The following MYO10 variants were observed in gnomAD, a reference collection of about 807,000 sequenced individuals.
MYO10 encodes the protein unconventional myosin-X.
Under a neutral mutation model 257.3 loss-of-function variants are expected in MYO10, and 133 were observed. The observed-to-expected ratio is 0.52, with a 90% CI of 0.45 to 0.60. MYO10 has a LOEUF of 0.60. Among genes scored for constraint, MYO10 ranks in the 20% least tolerant of loss-of-function variants. MYO10 has a pLI of 0.00. For missense variants in MYO10, 2,399 were observed against 2,635.7 expected, an observed-to-expected ratio of 0.91 and a Z score of 1.97; for synonymous variants, 1,104 against 1,028.6, an observed-to-expected ratio of 1.07 and a Z score of -1.40.
At chr5:16,775,060 T>A (rs563724324) in intron 9 of MYO10, among the ~76,000 whole-genome samples, 2 of 152,288 alleles carry the variant, frequency 1.3e-5, no homozygotes, top group South Asian at 4.1e-4. Context: ...CAGCAAAGAC[T>A]CCTGTTACTT....
At chr5:16,802,756 G>A (rs1434090901) in intron 3 of MYO10, among the ~76,000 whole-genome samples, 1 of 151,778 alleles carries the variant, frequency 6.6e-6, no homozygotes, top group Non-Finnish European at 1.5e-5. Flanking sequence ...AGTATAAAGA[G>A]AGATTAAAAA....
chr5:16,761,915 A>G, intron 16 of MYO10, 130 bp downstream of exon 16: 4 of 950,974 alleles, frequency 4.2e-6, no homozygotes, highest in Non-Finnish European at 6.0e-6. Flanking sequence ...AGCCTCCCAA[A>G]GTACTGGGAC....
intron 35 of MYO10, 33 bp downstream of exon 35, chr5:16,674,820 G>C (rs1172990224): frequency 6.2e-7 from 1 of 1,611,108 alleles, no homozygotes; most frequent in Admixed American, 1.7e-5. Flanking sequence ...AAGCAGCTCT[G>C]CCCAGCTCAT....
chr5:16,857,100 C>T (rs1743981275), intron 2 of MYO10, among the ~76,000 whole-genome samples: 4 of 152,172 alleles, frequency 2.6e-5, no homozygotes, highest in South Asian at 2.1e-4. Context: ...TGAAATACTT[C>T]GAGGAGGAGA....
chr5:16,681,992 G>A lies in MYO10; in HGVS notation c.4068C>T (p.Ile1356=), dbSNP rs1737027737. 2 of 1,613,682 alleles carry A rather than the reference G, an allele frequency of 1.2e-6. No homozygotes were observed. The highest frequency in any genetic ancestry group is 1.7e-6 in the Non-Finnish European group (2 of 1,179,884). ...TGCAGTGCAGCACCCGGTTGGCCGT[G>A]ATGATCACAAACGAGTTGGGTCTGA... ...SPDRPNSFVI[I]TANRVLHCNA... Residue 1356 remains isoleucine, a synonymous_variant, in exon 31 of 41, where the codon ATC becomes ATT. Transcript: ENST00000513610.
intron 2 of MYO10, among the ~76,000 whole-genome samples, chr5:16,847,754 T>C (rs548399425): frequency 6.6e-6 from 1 of 152,120 alleles, no homozygotes; most frequent in East Asian, 1.9e-4. Flanking sequence ...GGCACTGTGG[T>C]GCACAACTGA....
intron 10 of MYO10, among the ~76,000 whole-genome samples, chr5:16,768,721 C>A (rs1202524905): frequency 8.3e-6 from 1 of 120,374 alleles, no homozygotes; most frequent in Admixed American, 1.1e-4. Context: ...GTTGCCCAGA[C>A]TGGAGTGCAG....
chr5:16,829,345 T>A (rs906069550), intron 2 of MYO10, among the ~76,000 whole-genome samples: 1 of 151,908 alleles, frequency 6.6e-6, no homozygotes, highest in Non-Finnish European at 1.5e-5. Context: ...AACACTAACA[T>A]CAAACACAGC....
intron 34 of MYO10, 41 bp from the exon 35 acceptor site, chr5:16,675,191 T>C (rs1411816253): frequency 1.4e-5 from 22 of 1,602,128 alleles, no homozygotes; most frequent in Non-Finnish European, 1.9e-5. Context: ...TCTGAGGGGT[T>C]CAGAATAGGG....
rs1284978927 is a variant in MYO10 at position 16,762,119 on chromosome 5, A to G, written c.1588-6T>C. ...TTCACATAAAAGTGGTTATTCTAAA[A>G]AAAAAAAAAAAAAAAAAAAAAAAAA... On this transcript the variant is annotated splice_region_variant and splice_polypyrimidine_tract_variant and intron_variant, in intron 15 of 40. Transcript: ENST00000513610. 1 of 1,273,652 alleles carries G rather than the reference A, an allele frequency of 7.9e-7. No homozygotes were observed. The highest frequency in any genetic ancestry group is 1.0e-6 in the Non-Finnish European group (1 of 980,132). 78.9% of individuals were successfully genotyped at this position (1,273,652 alleles called of 1,614,324 possible).
chr5:16,906,168 G>C (rs1235196578), intron 1 of MYO10, among the ~76,000 whole-genome samples: 1 of 152,202 alleles, frequency 6.6e-6, no homozygotes, highest in African/African-American at 2.4e-5. Context: ...GCCACTGGCA[G>C]ACTTTAGGGT....
chr5:16,815,261 G>A (rs1742569654), intron 3 of MYO10: 2 of 524,560 alleles, frequency 3.8e-6, no homozygotes, highest in East Asian at 3.1e-5. Flanking sequence ...GGGACACAAA[G>A]TGTTGTGGAT....
At chr5:16,791,197 A>G (rs1049477251) in intron 4 of MYO10, among the ~76,000 whole-genome samples, 30 of 152,282 alleles carry the variant, frequency 2.0e-4, no homozygotes, top group African/African-American at 7.2e-4. Flanking sequence ...ATGTTTTTAA[A>G]GTAGTAAAAC....
At chr5:16,929,888 ATATT>A (rs1386265675) in intron 1 of MYO10, among the ~76,000 whole-genome samples, 1 of 152,196 alleles carries the variant, frequency 6.6e-6, no homozygotes, top group Non-Finnish European at 1.5e-5. Flanking sequence ...AACACTAGCC[ATATT>A]TATTATTGTC....
intron 39 of MYO10, among the ~76,000 whole-genome samples, chr5:16,670,154 GAAA>G (rs1351547296): frequency 3.9e-5 from 6 of 152,122 alleles, no homozygotes; most frequent in African/African-American, 1.4e-4. Context: ...TGGCTGTAAA[GAAA>G]AAACAAAGTA....
At chr5:16,786,717 A>T (rs1047704379) in intron 4 of MYO10, among the ~76,000 whole-genome samples, 4 of 152,154 alleles carry the variant, frequency 2.6e-5, no homozygotes, top group African/African-American at 9.7e-5. Context: ...CATTTTGGAT[A>T]AGGGATACTC....
intron 4 of MYO10, among the ~76,000 whole-genome samples, chr5:16,786,510 T>C (rs1221755402): frequency 6.6e-6 from 1 of 152,122 alleles, no homozygotes; most frequent in African/African-American, 2.4e-5. Flanking sequence ...TAACCCTAAA[T>C]CTGAAAATAT....
chr5:16,703,880 CAAAAAAAAAAA>C (rs55980169), intron 22 of MYO10, among the ~76,000 whole-genome samples: 11 of 76,946 alleles, frequency 1.4e-4, no homozygotes, highest in Non-Finnish European at 2.3e-4. Flanking sequence ...GACTCTGTCT[CAAAAAAAAAAA>C]AAAAAAAAAA....
chr5:16,696,901 T>C (rs1365854527), intron 26 of MYO10, among the ~76,000 whole-genome samples: 1 of 151,558 alleles, frequency 6.6e-6, no homozygotes, highest in Non-Finnish European at 1.5e-5. Context: ...AGAGGAATAT[T>C]GAAGAGAATT....
Sources: allele counts gnomAD v4.1 joint callset (sites outside exome capture counted in the v4.1 genomes callset), GRCh38; gene constraint gnomAD v4.1.1; transcripts MANE v1.5; gene names NCBI Gene and HGNC (gene_info 2026-07-23, HGNC 2026-07-21).